ITGA11: variants seen among roughly 807,000 people sequenced by gnomAD.
The protein encoded by ITGA11 is integrin subunit alpha 11, also known as integrin alpha-11.
ITGA11 carries 97 observed loss-of-function variants against 141.9 expected under a neutral mutation model. That is an observed-to-expected ratio of 0.68 (90% CI 0.58 to 0.81). The LOEUF (loss-of-function observed/expected upper bound fraction) is 0.81. Ranked by LOEUF, ITGA11 falls within the 30% of genes least tolerant of loss-of-function variation. ITGA11 has a pLI of 0.00. For synonymous variants in ITGA11, 658 were observed against 624.6 expected (o/e 1.05, Z -0.80); for missense variants, 1,387 against 1,559.2 (o/e 0.89, Z 1.86).
intron 10 of ITGA11, among the ~76,000 whole-genome samples, chr15:68,340,373 A>G (rs1894527396): frequency 6.6e-6 from 1 of 152,214 alleles, no homozygotes; most frequent in African/African-American, 2.4e-5. Flanking sequence ...GTAGAGCCAG[A>G]GAGAAAGAAG....
In ITGA11 at chr15:68,351,357, C is replaced by T. The variant is rs768958895; in HGVS notation, c.795G>A (p.Val265=). ...QKGGRKGAKK[V]MIVITDGESH... ...ACTCCCCATCTGTGATGACAATCAT[C>T]ACCTTCTTGGCTCCTTTCCTTCCAC... Residue 265 remains valine (V), a synonymous_variant, in exon 8 of 30, where the codon GTG becomes GTA. Transcript: ENST00000315757. The T allele has an allele frequency of 5.6e-6, 9 of 1,613,902 alleles. No homozygotes were observed. Among genetic ancestry groups the T allele is most frequent in the Non-Finnish European group, 7.6e-6 (9 of 1,179,894 alleles).
intron 15 of ITGA11, among the ~76,000 whole-genome samples, chr15:68,329,076 C>T (rs1020482844): frequency 2.0e-5 from 3 of 152,324 alleles, no homozygotes; most frequent in Non-Finnish European, 2.9e-5. Flanking sequence ...TGTGCCAATA[C>T]TCTGTTCTTC....
chr15:68,364,624 G>T, intron 4 of ITGA11, 83 bp downstream of exon 4: 1 of 906,126 alleles, frequency 1.1e-6, no homozygotes, highest in Non-Finnish European at 1.8e-6. Context: ...GGATGGACAT[G>T]AGGGTGTGTA....
intron 25 of ITGA11, 70 bp downstream of exon 25, chr15:68,311,220 G>T: frequency 7.7e-7 from 1 of 1,294,534 alleles, no homozygotes; most frequent in African/African-American, 1.5e-5. Context: ...GGAACCTGGG[G>T]ACACACGTAG....
At chr15:68,396,452 T>A (rs1896243984) in intron 2 of ITGA11, among the ~76,000 whole-genome samples, 1 of 152,030 alleles carries the variant, frequency 6.6e-6, no homozygotes, top group African/African-American at 2.4e-5. Flanking sequence ...AATAAATGAA[T>A]AAACTAGAGT....
At chr15:68,350,431 TCGCTCACCTTGG>T (rs1303975449) in intron 9 of ITGA11, among the ~76,000 whole-genome samples, 174 bp downstream of exon 9, 1 of 152,116 alleles carries the variant, frequency 6.6e-6, no homozygotes, top group Non-Finnish European at 1.5e-5. Context: ...CTGAAGCAAT[TCGCTCACCTTGG>T]CCTCCCAAAG....
intron 12 of ITGA11, among the ~76,000 whole-genome samples, chr15:68,334,656 G>A (rs187699326): frequency 1.8e-4 from 27 of 152,172 alleles, no homozygotes; most frequent in Admixed American, 1.4e-3. Flanking sequence ...GGGAGGGGGC[G>A]GGAGAAATTT....
intron 4 of ITGA11, among the ~76,000 whole-genome samples, chr15:68,364,225 C>G (rs1005145090): frequency 2.6e-5 from 4 of 152,166 alleles, no homozygotes; most frequent in Admixed American, 6.5e-5. Flanking sequence ...TAGCCCTTCC[C>G]TCGGCTGTGG....
At chr15:68,362,038 G>T in intron 4 of ITGA11, 1 of 251,134 alleles carries the variant, frequency 4.0e-6, no homozygotes, top group Non-Finnish European at 7.8e-6. Context: ...CGGGATCTGG[G>T]GAAGCCTTTT....
At chr15:68,378,500 A>G (rs8024015) in intron 2 of ITGA11, among the ~76,000 whole-genome samples, 123,390 of 152,014 alleles carry the variant, frequency 0.81, 50,361 homozygotes, top group East Asian at 1. Context: ...AAAATTATCC[A>G]GGTATGGTGG....
chr15:68,421,583 T>A (rs1294614317), intron 1 of ITGA11, among the ~76,000 whole-genome samples: 1 of 151,878 alleles, frequency 6.6e-6, no homozygotes, highest in Non-Finnish European at 1.5e-5. Context: ...ATGGGAGCTT[T>A]TCTGTCCCCT....
rs1893171874 is a variant in ITGA11, at chr15:68,305,760, A to C, written c.3381+1588T>G. Among the ~76,000 whole-genome samples, 1 of 152,210 alleles carries C rather than the reference A, an allele frequency of 6.6e-6. No individual in the cohort carries two copies. The highest frequency in any genetic ancestry group is 2.4e-5 in the African/African-American group (1 of 41,456). On this transcript the variant is annotated intron_variant, in intron 28 of 29. Coordinates refer to ENST00000315757, the MANE Select transcript of ITGA11 (RefSeq NM_001004439.2). The surrounding 1 kb of genome is among the most constrained non-coding windows in gnomAD (Gnocchi z 4.6). ...TTCAGCACACAGCTGGGGGCCAGCAAATGGCAGGGCCCTTATGTGTGCTCT... is the reference window on the plus strand; with the variant it reads ...TTCAGCACACAGCTGGGGGCCAGCACATGGCAGGGCCCTTATGTGTGCTCT...
intron 22 of ITGA11, 128 bp from the exon 23 acceptor site, chr15:68,313,996 G>A (rs952850031): frequency 1.3e-5 from 9 of 693,124 alleles, no homozygotes; most frequent in Non-Finnish European, 2.0e-5. Flanking sequence ...AGACAGGCCA[G>A]ACAGGGAACC....
At chr15:68,418,339 G>A (rs1595899307) in intron 1 of ITGA11, among the ~76,000 whole-genome samples, 2 of 152,192 alleles carry the variant, frequency 1.3e-5, no homozygotes, top group Non-Finnish European at 2.9e-5. Context: ...GAAAGTGATA[G>A]AGCCTCAGGG....
intron 2 of ITGA11, among the ~76,000 whole-genome samples, chr15:68,387,502 T>C (rs1486977131): frequency 6.6e-6 from 1 of 152,188 alleles, no homozygotes; most frequent in Non-Finnish European, 1.5e-5. Flanking sequence ...AGCAATCCGA[T>C]TTAGCAAGCG....
chr15:68,358,512 C>T lies in ITGA11; in HGVS notation c.546G>A (p.Gln182=). Residue 182 remains glutamine, a synonymous_variant, in exon 6 of 30, where the codon CAG becomes CAA. Coordinates refer to ENST00000315757, the MANE Select transcript of ITGA11 (RefSeq NM_001004439.2). The part of the protein sequence containing the change: ...SNSIYPWVEV[Q]HFLINILKKF... Reference sequence around the variant, plus strand: ...TTTTCAGGATGTTGATGAGGAAGTGCTGAACCTCCACCCAGGGGTAGATGC... The same window carrying T: ...TTTTCAGGATGTTGATGAGGAAGTGTTGAACCTCCACCCAGGGGTAGATGC... 6.2e-7 allele frequency: 1 copy of T among 1,614,118 alleles called. No individual in the cohort carries two copies. Among genetic ancestry groups the T allele is most frequent in the Non-Finnish European group, 8.5e-7 (1 of 1,179,996 alleles).
At position 68,325,304 on chromosome 15, in the gene ITGA11, C is replaced by T. The variant is rs755035633; in HGVS notation, c.2212-63G>A. 2.2e-4 allele frequency: 245 copies of T among 1,131,722 alleles called. No individual in the cohort carries two copies. Among genetic ancestry groups the T allele is most frequent in the Non-Finnish European group, 3.0e-4 (220 of 744,658 alleles). The allele number at this position is 1,131,722 out of a possible 1,614,324, so 70.1% of individuals were successfully genotyped here. A position where few individuals can be genotyped will look rare whatever the true frequency, so the allele number is the denominator to read the frequency against. On this transcript the variant is annotated intron_variant, in intron 17 of 29. Transcript: ENST00000315757. The surrounding 1 kb of genome is among the most constrained non-coding windows in gnomAD (Gnocchi z 5.5). ...AGAACGTCATTTTATGAGCCAGGAC[C>T]GTGGATGCTGAGATAGAACTTCCAC...
intron 2 of ITGA11, among the ~76,000 whole-genome samples, chr15:68,388,030 C>T (rs747073982): frequency 1.8e-4 from 28 of 152,172 alleles, no homozygotes; most frequent in Non-Finnish European, 3.2e-4. Flanking sequence ...CTCCCCTGCA[C>T]CTGGATGGCC....
chr15:68,313,919 G>T, intron 22 of ITGA11, 51 bp from the exon 23 acceptor site: 2 of 1,446,758 alleles, frequency 1.4e-6, no homozygotes, highest in Non-Finnish European at 1.9e-6. Context: ...GCCAGCACAG[G>T]CAGCGGGAAG....
Sources: allele counts gnomAD v4.1 joint callset (sites outside exome capture counted in the v4.1 genomes callset), GRCh38; gene constraint gnomAD v4.1.1; non-coding constraint Gnocchi (gnomAD v3.1); transcripts MANE v1.5; gene names NCBI Gene and HGNC (gene_info 2026-07-23, HGNC 2026-07-21).